The following CAMK2G variants were observed in gnomAD, a reference collection of about 807,000 sequenced individuals.
CAMK2G encodes calcium/calmodulin-dependent protein kinase type II subunit gamma.
CAMK2G carries 23 observed loss-of-function variants against 88.7 expected under a neutral mutation model. That is an observed-to-expected ratio of 0.26 (90% confidence interval 0.19 to 0.37). The LOEUF (loss-of-function observed/expected upper bound fraction) is 0.37, where lower values mean the gene tolerates loss of function less well. CAMK2G is among the 10% of genes least tolerant of loss of function. CAMK2G has a pLI of 1.00. For synonymous variants in CAMK2G, 263 were observed against 294.8 expected (o/e 0.89, Z 1.11); for missense variants, 476 against 780.8 (o/e 0.61, Z 4.65).
intron 13 of CAMK2G, among the ~76,000 whole-genome samples, chr10:73,838,939 G>A (rs1026053259): frequency 1.1e-4 from 16 of 152,320 alleles, no homozygotes; most frequent in South Asian, 4.1e-4. Context: ...GAGAGCCTTC[G>A]ACAGGGTGAT....
intron 2 of CAMK2G, among the ~76,000 whole-genome samples, chr10:73,872,120 C>A (rs2095853751): frequency 6.6e-6 from 1 of 152,168 alleles, no homozygotes; most frequent in South Asian, 2.1e-4. Context: ...AGACCTGTTC[C>A]CAGAGCACTT....
intron 13 of CAMK2G, among the ~76,000 whole-genome samples, chr10:73,838,939 G>C (rs1026053259): frequency 6.6e-6 from 1 of 152,202 alleles, no homozygotes; most frequent in Non-Finnish European, 1.5e-5. Context: ...GAGAGCCTTC[G>C]ACAGGGTGAT....
intron 2 of CAMK2G, among the ~76,000 whole-genome samples, chr10:73,867,086 G>A (rs2095623117): frequency 6.6e-6 from 1 of 152,154 alleles, no homozygotes; most frequent in African/African-American, 2.4e-5. Context: ...ACAGAGGGAC[G>A]GGGCCTGAAA....
chr10:73,838,140 G>A (rs1489830780), intron 13 of CAMK2G, among the ~76,000 whole-genome samples: 2 of 152,218 alleles, frequency 1.3e-5, no homozygotes, highest in African/African-American at 4.8e-5. Flanking sequence ...GGACTCGGCA[G>A]AATAATGAGC....
intron 3 of CAMK2G, 27 bp downstream of exon 3, chr10:73,860,803 C>A (rs374484427): frequency 2.7e-5 from 43 of 1,578,916 alleles, no homozygotes; most frequent in Non-Finnish European, 3.3e-5. Flanking sequence ...AAAATACCCA[C>A]AAAATGCTCC....
At chr10:73,820,464 T>TTA (rs71483976) in intron 18 of CAMK2G, among the ~76,000 whole-genome samples, 941 of 74,016 alleles carry the variant, frequency 0.013, 21 homozygotes, top group East Asian at 0.028. Context: ...GGTTTTATAT[T>TTA]TATATATATA....
In CAMK2G at chr10:73,848,159, C is replaced by T; in HGVS notation, c.602-77G>A. On this transcript the variant is annotated intron_variant, in intron 8 of 22. Transcript: ENST00000423381. The surrounding 1 kb of genome is among the most constrained non-coding windows in gnomAD (Gnocchi z 4.5). ...GAACCAAGAAAAACCATGCAGGGCT[C>T]AGAGCCACCTAGAAAGGCAGGGGCC... 2.3e-6 allele frequency: 2 copies of T among 875,684 alleles called. No individual in the cohort carries two copies. The highest frequency in any genetic ancestry group is 1.8e-5 in the Admixed American group (1 of 56,182). The allele number at this position is 875,684 out of a possible 1,614,324, so 54.2% of individuals were successfully genotyped here.
At chr10:73,831,555 A>G (rs2092443646) in intron 14 of CAMK2G, among the ~76,000 whole-genome samples, 2 of 150,550 alleles carry the variant, frequency 1.3e-5, no homozygotes, top group African/African-American at 4.9e-5. Context: ...AAAAAAAAAA[A>G]AAAAGAAAGC....
At chr10:73,872,551 G>A (rs940798829) in intron 2 of CAMK2G, among the ~76,000 whole-genome samples, 1 of 152,212 alleles carries the variant, frequency 6.6e-6, no homozygotes, top group Non-Finnish European at 1.5e-5. Context: ...GGGCAGGGGA[G>A]GCTGGCTTTG....
intron 2 of CAMK2G, among the ~76,000 whole-genome samples, chr10:73,866,265 A>G (rs1355524941): frequency 1.3e-5 from 2 of 152,182 alleles, no homozygotes; most frequent in Non-Finnish European, 2.9e-5. Flanking sequence ...AGAAAAGAGG[A>G]AGCAGATAGG....
At chr10:73,866,768 G>A (rs1213879955) in intron 2 of CAMK2G, among the ~76,000 whole-genome samples, 3 of 152,096 alleles carry the variant, frequency 2.0e-5, no homozygotes, top group Admixed American at 6.5e-5. Context: ...AGAGGCCGCC[G>A]TCTGGTCCCC....
intron 2 of CAMK2G, among the ~76,000 whole-genome samples, chr10:73,868,303 G>A (rs780284138): frequency 6.6e-6 from 1 of 152,232 alleles, no homozygotes; most frequent in Admixed American, 6.5e-5. Context: ...TGACAGGACA[G>A]GGCAACCTTC....
chr10:73,838,154 C>A (rs2093429310), intron 13 of CAMK2G, among the ~76,000 whole-genome samples: 1 of 152,206 alleles, frequency 6.6e-6, no homozygotes, highest in African/African-American at 2.4e-5. Context: ...AATGAGCTGT[C>A]AAACAGATTC....
At chr10:73,824,784 A>G (rs1041782863) in intron 16 of CAMK2G, among the ~76,000 whole-genome samples, 2 of 152,234 alleles carry the variant, frequency 1.3e-5, no homozygotes, top group African/African-American at 4.8e-5. Context: ...CTTAGCCAGC[A>G]TGAGGCACTC....
chr10:73,840,304 G>A (rs2093674297), intron 12 of CAMK2G, among the ~76,000 whole-genome samples: 1 of 152,234 alleles, frequency 6.6e-6, no homozygotes, highest in Admixed American at 6.5e-5. Flanking sequence ...CACTCTGGAG[G>A]CCCCGATTCG....
intron 3 of CAMK2G, among the ~76,000 whole-genome samples, chr10:73,858,421 C>T (rs1056876395): frequency 1.3e-5 from 2 of 152,196 alleles, no homozygotes; most frequent in African/African-American, 4.8e-5. Flanking sequence ...CTGCCACAAG[C>T]CAGGTCCAGA....
chr10:73,839,329 T>C lies in CAMK2G; in HGVS notation c.1009+210A>G, dbSNP rs1054553569. 1.3e-5 allele frequency among the ~76,000 whole-genome samples: 2 copies of C among 152,194 alleles called. No individual in the cohort carries two copies. Among genetic ancestry groups the C allele is most frequent in the African/African-American group, 2.4e-5 (1 of 41,462 alleles). On this transcript the variant is annotated intron_variant, in intron 13 of 22. Coordinates refer to ENST00000423381, the MANE Select transcript of CAMK2G (RefSeq NM_001367534.1). The surrounding 1 kb of genome is among the most constrained non-coding windows in gnomAD (Gnocchi z 4.2). The stretch of plus-strand genomic sequence containing the variant: ...CCCCCAGGCTACTGCCCCCTGAAAG[T>C]TGGCAAGCGCCCAGCATGCATGGCT...
chr10:73,818,434 A>G, intron 19 of CAMK2G: 1 of 329,936 alleles, frequency 3.0e-6, no homozygotes, highest in Non-Finnish European at 6.1e-6. Flanking sequence ...CACCAGGGTA[A>G]GGGAGAGCTT....
chr10:73,847,431 T>A, intron 9 of CAMK2G, 84 bp from the exon 10 acceptor site: 1 of 1,433,918 alleles, frequency 7.0e-7, no homozygotes, highest in Non-Finnish European at 9.7e-7. Flanking sequence ...ACTCAACTCC[T>A]GTAATTGGGA....
Sources: allele counts gnomAD v4.1 joint callset (sites outside exome capture counted in the v4.1 genomes callset), GRCh38; gene constraint gnomAD v4.1.1; non-coding constraint Gnocchi (gnomAD v3.1); transcripts MANE v1.5; gene names NCBI Gene and HGNC (gene_info 2026-07-23, HGNC 2026-07-21).